Variants in NSG1 observed in about 807,000 individuals in gnomAD.
NSG1 encodes the protein neuronal vesicle trafficking-associated protein 1.
In NSG1, 9 loss-of-function variants were observed where a neutral mutation model predicts 19.3. The observed-to-expected ratio is 0.47, with a 90% confidence interval of 0.28 to 0.81. The LOEUF (loss-of-function observed/expected upper bound fraction) is 0.81, where lower values mean the gene tolerates loss of function less well. NSG1 is among the 40% of genes least tolerant of loss of function. The pLI is 0.11. For missense variants in NSG1, 236 were observed against 242.4 expected, an observed-to-expected ratio of 0.97 and a Z score of 0.18; for synonymous variants, 104 against 107.0, an observed-to-expected ratio of 0.97 and a Z score of 0.17.
At position 4,402,371 on chromosome 4, in the gene NSG1, A is replaced by ATTTTT. The variant is rs1161754574; in HGVS notation, c.247-7172_247-7168dup. ...TAGACACGCAGCACCACGCCTGGTT[A>ATTTTT]TTTTTTTTTTTTTTTTTTTTTTTTT... On this transcript the variant is annotated intron_variant, in intron 3 of 4. Coordinates refer to ENST00000621129, the MANE Select transcript of NSG1 (RefSeq NM_014392.5). Among the ~76,000 whole-genome samples, 65 of 53,950 alleles carry ATTTTT rather than the reference A, an allele frequency of 1.2e-3. 8 individuals are homozygous for ATTTTT. Among genetic ancestry groups the ATTTTT allele is most frequent in the African/African-American group, 2.6e-3 (43 of 16,506 alleles). 35.4% of individuals were successfully genotyped at this position (53,950 alleles called of 152,430 possible). A position where few individuals can be genotyped will look rare whatever the true frequency, so the allele number is the denominator to read the frequency against.
chr4:4,387,598 C>T lies in NSG1; in HGVS notation c.-26-6C>T, dbSNP rs201318762. 3 of 1,599,682 alleles carry T rather than the reference C, an allele frequency of 1.9e-6. No homozygotes were observed. Among genetic ancestry groups the T allele is most frequent in the Admixed American group, 3.4e-5 (2 of 58,984 alleles). ...GTGGTGACTCCCCCCGGCCCTCCCGCCGCAGGCTGCAGCCTCGGAGCTCCC... is the reference window on the plus strand; with the variant it reads ...GTGGTGACTCCCCCCGGCCCTCCCGTCGCAGGCTGCAGCCTCGGAGCTCCC... On this transcript the variant is annotated splice_region_variant and splice_polypyrimidine_tract_variant and intron_variant, in intron 1 of 4. Transcript: ENST00000621129.
intron 3 of NSG1, among the ~76,000 whole-genome samples, chr4:4,407,786 A>G (rs1192563013): frequency 6.6e-6 from 1 of 152,040 alleles, no homozygotes; most frequent in East Asian, 1.9e-4. Flanking sequence ...ATAGGGAAGG[A>G]GTCTGTGGCT....
intron 3 of NSG1, among the ~76,000 whole-genome samples, chr4:4,406,706 T>A (rs191834624): frequency 3.3e-5 from 5 of 152,142 alleles, no homozygotes; most frequent in African/African-American, 4.8e-5. Flanking sequence ...CAGTGTCCCG[T>A]GACTGTCCCT....
At chr4:4,403,783 A>G (rs1479979480) in intron 3 of NSG1, among the ~76,000 whole-genome samples, 2 of 152,218 alleles carry the variant, frequency 1.3e-5, no homozygotes, top group African/African-American at 4.8e-5. Flanking sequence ...GTGTTGTGTT[A>G]GGAGTACGCA....
rs759656418 is a variant in NSG1, at chr4:4,417,322, C to T, written c.445C>T (p.His149Tyr). The T allele has an allele frequency of 1.2e-6, 2 of 1,614,110 alleles. No individual in the cohort carries two copies. The highest frequency in any genetic ancestry group is 1.7e-6 in the Non-Finnish European group (2 of 1,180,012). The change falls in exon 5 of 5, where the codon CAC (histidine) becomes TAC (tyrosine). Residue 149 changes from histidine (H) to tyrosine (Y), a missense_variant. By Grantham distance (83) the His-to-Tyr change is moderately conservative. Coordinates refer to ENST00000621129, the MANE Select transcript of NSG1 (RefSeq NM_014392.5). Reference protein sequence around the residue: ...AREKFYTVINHYNLAKQSITR... With the variant: ...AREKFYTVINYYNLAKQSITR... ...GGAGAAATTTTACACAGTCATAAAC[C>T]ACTACAACCTGGCCAAGCAGAGCAT...
At chr4:4,410,767 G>A (rs997233956) in intron 4 of NSG1, among the ~76,000 whole-genome samples, 6 of 152,108 alleles carry the variant, frequency 3.9e-5, no homozygotes, top group Non-Finnish European at 7.4e-5. Context: ...GTAGACGAGT[G>A]AGCGCTGGAC....
At chr4:4,397,998 G>A (rs1723354434) in intron 3 of NSG1, among the ~76,000 whole-genome samples, 1 of 151,830 alleles carries the variant, frequency 6.6e-6, no homozygotes, top group African/African-American at 2.4e-5. Context: ...GTGTCACCCA[G>A]GCTGGAGTGC....
At chr4:4,391,877 A>T (rs1381643854) in intron 3 of NSG1, among the ~76,000 whole-genome samples, 1 of 152,242 alleles carries the variant, frequency 6.6e-6, no homozygotes, top group Admixed American at 6.5e-5. Context: ...TAAACATATG[A>T]AAAATCACTT....
rs11936361 is a variant in NSG1, at chr4:4,409,502, C to A, written c.247-71C>A. 4.4e-5 allele frequency: 49 copies of A among 1,126,420 alleles called. 1 individual carries two copies. The East Asian group carries it at 7.8e-4, about 18-fold the overall frequency. 69.8% of individuals were successfully genotyped at this position (1,126,420 alleles called of 1,614,324 possible). A position where few individuals can be genotyped will look rare whatever the true frequency, so the allele number is the denominator to read the frequency against. On this transcript the variant is annotated intron_variant, in intron 3 of 4. Coordinates refer to ENST00000621129, the MANE Select transcript of NSG1 (RefSeq NM_014392.5). Reference sequence around the variant, plus strand: ...CACATGCTGTGTGGGGGGGGGCCTTCGTGTGCGGGTGTGTGTGTGTCTGTC... The same window carrying A: ...CACATGCTGTGTGGGGGGGGGCCTTAGTGTGCGGGTGTGTGTGTGTCTGTC...
chr4:4,416,287 G>A (rs529236667), intron 4 of NSG1: 11 of 690,320 alleles, frequency 1.6e-5, no homozygotes, highest in South Asian at 4.6e-5. Flanking sequence ...CACTGGATGC[G>A]GGGCAGTGTT....
At chr4:4,387,561 C>CCGGGGG (rs1722791717) in intron 1 of NSG1, 43 bp from the exon 2 acceptor site, 127 of 1,141,704 alleles carry the variant, frequency 1.1e-4, no homozygotes, top group East Asian at 1.6e-4. Flanking sequence ...CGCCCCGCCC[C>CCGGGGG]GGGTCTTGCT....
intron 1 of NSG1, 43 bp from the exon 2 acceptor site, chr4:4,387,561 C>CCGGGGGTGGGTG: frequency 1.5e-5 from 17 of 1,141,972 alleles, no homozygotes; most frequent in East Asian, 2.7e-5. Flanking sequence ...CGCCCCGCCC[C>CCGGGGGTGGGTG]GGGTCTTGCT....
chr4:4,413,672 G>A (rs1198796050), intron 4 of NSG1, among the ~76,000 whole-genome samples: 2 of 151,734 alleles, frequency 1.3e-5, no homozygotes, highest in African/African-American at 2.4e-5. Context: ...ACCAGCTTAC[G>A]GCCAGAGCGG....
At chr4:4,387,561 C>CGGGGGGGGGTGT in intron 1 of NSG1, 43 bp from the exon 2 acceptor site, 1 of 1,141,988 alleles carries the variant, frequency 8.8e-7, no homozygotes, top group Non-Finnish European at 1.2e-6. Context: ...CGCCCCGCCC[C>CGGGGGGGGGTGT]GGGTCTTGCT....
intron 3 of NSG1, among the ~76,000 whole-genome samples, 191 bp downstream of exon 3, chr4:4,391,782 C>G (rs1723007862): frequency 6.6e-6 from 1 of 152,300 alleles, no homozygotes; most frequent in South Asian, 2.1e-4. Flanking sequence ...TTTCTTTTTT[C>G]TTTTCCTCTT....
Position 4,387,762 on chromosome 4 carries a change from AGCCCCCCCAC to A in NSG1, c.129+10_129+19del. ...GCAGTTCCCGCCCCCGGATAAGGTA[AGCCCCCCCAC>A]GCCCCTCCACGTTGCCGGGTGTGCA... On this transcript the variant is annotated splice_donor_5th_base_variant and intron_variant, in intron 2 of 4. Coordinates refer to ENST00000621129, the MANE Select transcript of NSG1 (RefSeq NM_014392.5). The A allele has an allele frequency of 6.3e-7, 1 of 1,591,550 alleles. No homozygotes were observed. Among genetic ancestry groups the A allele is most frequent in the Non-Finnish European group, 8.6e-7 (1 of 1,160,372 alleles).
chr4:4,402,371 ATT>A (rs1161754574), intron 3 of NSG1, among the ~76,000 whole-genome samples: 19 of 53,940 alleles, frequency 3.5e-4, no homozygotes, highest in African/African-American at 1.2e-3. Context: ...ACGCCTGGTT[ATT>A]TTTTTTTTTT....
intron 4 of NSG1, among the ~76,000 whole-genome samples, chr4:4,411,413 A>T (rs1368987947): frequency 6.6e-6 from 1 of 152,216 alleles, no homozygotes; most frequent in Non-Finnish European, 1.5e-5. Flanking sequence ...GAAGGTCTTC[A>T]GGAGCAGTGA....
chr4:4,416,293 G>C, intron 4 of NSG1: 1 of 685,034 alleles, frequency 1.5e-6, no homozygotes, highest in Non-Finnish European at 2.6e-6. Context: ...ATGCGGGGCA[G>C]TGTTGGTGAG....
Sources: gnomAD v4.1 joint callset for allele counts (sites outside exome capture counted in the v4.1 genomes callset) on GRCh38, gnomAD v4.1.1 for gene constraint, MANE v1.5 for transcripts, NCBI Gene and HGNC (gene_info 2026-07-23, HGNC 2026-07-21) for gene names.